WWOX: variants seen among roughly 807,000 people sequenced by gnomAD.
WWOX encodes WW domain-containing oxidoreductase.
A neutral mutation model predicts 46.2 loss-of-function variants in WWOX; 69 were observed. The observed-to-expected ratio is 1.49, with a 90% CI of 1.23 to 1.82. The LOEUF (loss-of-function observed/expected upper bound fraction) is 1.82, where lower values mean the gene tolerates loss of function less well. Ranked by LOEUF, WWOX falls within the 40% of genes most tolerant of loss-of-function variation. The pLI, the probability that WWOX is intolerant of heterozygous loss-of-function variation, is 0.00. For synonymous variants in WWOX, 359 were observed against 202.6 expected, an observed-to-expected ratio of 1.77 and a Z score of -6.56; for missense variants, 919 against 542.6, an observed-to-expected ratio of 1.69 and a Z score of -6.89.
At chr16:78,120,054 A>G (rs1003396961) in intron 4 of WWOX, among the ~76,000 whole-genome samples, 18 of 152,126 alleles carry the variant, frequency 1.2e-4, no homozygotes, top group African/African-American at 4.3e-4. Flanking sequence ...GCAAACAAAT[A>G]CAAGCTGGCC....
chr16:79,086,391 C>T (rs2048854469), intron 8 of WWOX, among the ~76,000 whole-genome samples: 4 of 152,156 alleles, frequency 2.6e-5, no homozygotes. Context: ...GAAAGCGTGT[C>T]TTCTGGTATG....
intron 8 of WWOX, among the ~76,000 whole-genome samples, chr16:79,177,330 TC>T (rs1279785038): frequency 6.6e-6 from 1 of 152,140 alleles, no homozygotes. Flanking sequence ...GAGGAAATTT[TC>T]CCTGTTAAAG....
chr16:78,907,567 G>T (rs532091721), intron 8 of WWOX, among the ~76,000 whole-genome samples: 1 of 152,164 alleles, frequency 6.6e-6, no homozygotes, highest in Non-Finnish European at 1.5e-5. Context: ...CCAAGCCCAG[G>T]AATGACTAAG....
chr16:78,287,876 T>G (rs1053056209), intron 5 of WWOX, among the ~76,000 whole-genome samples: 1 of 150,628 alleles, frequency 6.6e-6, no homozygotes, highest in African/African-American at 2.4e-5. Context: ...TGTTTTAATG[T>G]TCCATTCTGA....
intron 8 of WWOX, among the ~76,000 whole-genome samples, chr16:78,620,982 A>G (rs990656840): frequency 6.6e-6 from 1 of 152,068 alleles, no homozygotes; most frequent in East Asian, 1.9e-4. Flanking sequence ...TTTTTTCTAC[A>G]TTGCAATTTC....
Position 78,592,886 on chromosome 16 carries a change from C to A in WWOX, c.1056+160134C>A, listed in dbSNP as rs192570600. Among the ~76,000 whole-genome samples the A allele has an allele frequency of 5.8e-3, 881 of 152,212 alleles. 15 individuals carry two copies. Among genetic ancestry groups the A allele is most frequent in the African/African-American group, 0.02 (820 of 41,530 alleles). On this transcript the variant is annotated intron_variant, in intron 8 of 8. Transcript: ENST00000566780. Reference sequence around the variant, plus strand: ...CCAGAATGACCAGGCAGCATGAAAACGAAAAGGTGGAGAGGGAACTAACTT... The same window carrying A: ...CCAGAATGACCAGGCAGCATGAAAAAGAAAAGGTGGAGAGGGAACTAACTT...
intron 8 of WWOX, chr16:78,780,438 TAAAC>T (rs1024450768): frequency 2.0e-5 from 3 of 152,090 alleles, no homozygotes; most frequent in East Asian, 1.9e-4. Context: ...AATAAAATGA[TAAAC>T]AAGTCAAAAA....
At chr16:78,927,421 G>C (rs1313423683) in intron 8 of WWOX, among the ~76,000 whole-genome samples, 1 of 152,164 alleles carries the variant, frequency 6.6e-6, no homozygotes, top group Non-Finnish European at 1.5e-5. Context: ...ATTACCATGT[G>C]TCTGTCTACA....
chr16:78,108,224 C>T (rs1477369282), intron 1 of WWOX, among the ~76,000 whole-genome samples, 199 bp from the exon 2 acceptor site: 2 of 150,806 alleles, frequency 1.3e-5, no homozygotes, highest in African/African-American at 2.4e-5. Context: ...CCGCTCCCGA[C>T]GGCCTCTAGA....
At chr16:79,031,952 A>T (rs1017750377) in intron 8 of WWOX, among the ~76,000 whole-genome samples, 13 of 143,764 alleles carry the variant, frequency 9.0e-5, no homozygotes, top group African/African-American at 3.3e-4. Context: ...ATATCTGTAT[A>T]TATATATAGA....
intron 8 of WWOX, among the ~76,000 whole-genome samples, chr16:78,841,975 A>C (rs1455749082): frequency 6.6e-6 from 1 of 152,166 alleles, no homozygotes; most frequent in African/African-American, 2.4e-5. Flanking sequence ...ACACCCAGCT[A>C]TTCTCTGGAA....
chr16:78,136,001 G>A (rs189937037), intron 4 of WWOX, among the ~76,000 whole-genome samples: 24 of 152,268 alleles, frequency 1.6e-4, no homozygotes, highest in Admixed American at 1.1e-3. Context: ...TCCAAGAGGT[G>A]CTTTTATGAG....
intron 8 of WWOX, among the ~76,000 whole-genome samples, chr16:78,807,857 G>A (rs1012696008): frequency 6.6e-5 from 10 of 152,130 alleles, no homozygotes; most frequent in Admixed American, 3.9e-4. Flanking sequence ...TCACTTCTTC[G>A]GTTTCATTAA....
chr16:78,596,453 A>G (rs117905075), intron 8 of WWOX, among the ~76,000 whole-genome samples: 3,384 of 152,176 alleles, frequency 0.022, 99 homozygotes, highest in East Asian at 0.14. Context: ...CACAGCAGGA[A>G]TAGCCAGTCC....
In WWOX at chr16:79,028,609, C is replaced by G. The variant is rs186443256; in HGVS notation, c.1057-182999C>G. Among the ~76,000 whole-genome samples the G allele has an allele frequency of 2.0e-3, 305 of 151,318 alleles. 4 individuals are homozygous for G. Among genetic ancestry groups the G allele is most frequent in the Non-Finnish European group, 2.3e-3 (154 of 67,944 alleles). On this transcript the variant is annotated intron_variant, in intron 8 of 8. Coordinates refer to ENST00000566780, the MANE Select transcript of WWOX (RefSeq NM_016373.4). ...CCAGCTTAACTAAAATTTTCTGATA[C>G]TTTTTTCCTGAATTAGGGTATGTTT...
chr16:78,375,825 G>A (rs8050639), intron 5 of WWOX, among the ~76,000 whole-genome samples: 9,590 of 151,168 alleles, frequency 0.063, 337 homozygotes, highest in East Asian at 0.12. Context: ...TAATATTACC[G>A]GAGAAACAAT....
chr16:78,275,160 A>G (rs2079553175), intron 5 of WWOX, among the ~76,000 whole-genome samples: 1 of 152,190 alleles, frequency 6.6e-6, no homozygotes, highest in Non-Finnish European at 1.5e-5. Context: ...AAGATCTAAA[A>G]CGTGGAGGGG....
chr16:78,998,248 C>T (rs1323214732), intron 8 of WWOX, among the ~76,000 whole-genome samples: 1 of 152,172 alleles, frequency 6.6e-6, no homozygotes, highest in African/African-American at 2.4e-5. Context: ...TGCTGGGACC[C>T]AGGACATGTT....
At chr16:79,086,869 T>G (rs1026852977) in intron 8 of WWOX, among the ~76,000 whole-genome samples, 1 of 151,972 alleles carries the variant, frequency 6.6e-6, no homozygotes, top group African/African-American at 2.4e-5. Context: ...GGTGACAGAG[T>G]GAGACCCTGT....
Sources: allele counts gnomAD v4.1 joint callset (sites outside exome capture counted in the v4.1 genomes callset), GRCh38; gene constraint gnomAD v4.1.1; transcripts MANE v1.5; gene names NCBI Gene and HGNC (gene_info 2026-07-23, HGNC 2026-07-21).